The following JAML variants were observed in gnomAD, a reference collection of about 807,000 sequenced individuals.
JAML encodes the protein junction adhesion molecule like, also known as junctional adhesion molecule-like.
JAML carries 25 observed loss-of-function variants against 39.3 expected under a neutral mutation model. That is an observed-to-expected ratio of 0.64 (90% CI 0.46 to 0.89). JAML has a LOEUF of 0.89. JAML is among the 40% of genes least tolerant of loss of function. The pLI, the probability that JAML is intolerant of heterozygous loss-of-function variation, is 0.00. For missense variants in JAML, 440 were observed against 486.9 expected (o/e 0.90, Z 0.91); for synonymous variants, 162 against 179.2 (o/e 0.90, Z 0.77).
intron 1 of JAML, among the ~76,000 whole-genome samples, chr11:118,223,692 C>T (rs1379538956): frequency 6.6e-6 from 1 of 152,034 alleles, no homozygotes; most frequent in Admixed American, 6.5e-5. Context: ...TTTTGGCTAC[C>T]TAAATGACTT....
In JAML at chr11:118,212,451, T is replaced by C. The variant is rs1446350744; in HGVS notation, c.154A>G (p.Ile52Val). ...GACAGAGTCCAGTCTATCTTGAATATACATTTGTCTTCTGTGCTCTGGAAA... is the reference window on the plus strand; with the variant it reads ...GACAGAGTCCAGTCTATCTTGAATACACATTTGTCTTCTGTGCTCTGGAAA... The part of the protein sequence containing the change: ...CVFQSTEDKC[I>V]FKIDWTLSPG... Residue 52 changes from isoleucine to valine, a missense_variant, in exon 3 of 10, where the codon ATA becomes GTA. Transcript: ENST00000356289. 3.1e-6 allele frequency: 5 copies of C among 1,614,200 alleles called. No individual in the cohort carries two copies. The highest frequency in any genetic ancestry group is 2.7e-5 in the African/African-American group (2 of 75,060).
At chr11:118,212,214 T>C (rs999024997) in intron 3 of JAML, among the ~76,000 whole-genome samples, 193 bp downstream of exon 3, 18 of 152,206 alleles carry the variant, frequency 1.2e-4, no homozygotes, top group African/African-American at 3.6e-4. Context: ...TCAGCAAGGT[T>C]GAGTAACTTA....
intron 9 of JAML, 94 bp downstream of exon 9, chr11:118,196,641 T>C: frequency 9.8e-7 from 1 of 1,025,402 alleles, no homozygotes; most frequent in South Asian, 1.3e-5. Flanking sequence ...ATCACCGCCC[T>C]CAGCAGCCTC....
intron 7 of JAML, among the ~76,000 whole-genome samples, chr11:118,199,693 A>ATTTTTTTTTT (rs34379845): frequency 9.3e-6 from 1 of 107,120 alleles, no homozygotes; most frequent in Non-Finnish European, 1.9e-5. Context: ...TATTATTATT[A>ATTTTTTTTTT]TTTTTTTTTT....
chr11:118,200,083 T>A (rs1452457358), intron 7 of JAML, among the ~76,000 whole-genome samples: 1 of 152,150 alleles, frequency 6.6e-6, no homozygotes, highest in Non-Finnish European at 1.5e-5. Context: ...GTCTTTTAGA[T>A]AAAACCACTG....
Position 118,199,677 on chromosome 11 carries a change from C to CATT in JAML, c.911+794_911+796dup, listed in dbSNP as rs878995585. ...GATGAAATTCAGGCCTTTAAAAGCACATTATTATTATTATTATTTTTTTTT... is the reference window on the plus strand; with the variant it reads ...GATGAAATTCAGGCCTTTAAAAGCACATTATTATTATTATTATTATTTTTTTTT... On this transcript the variant is annotated intron_variant, in intron 7 of 9. Coordinates refer to ENST00000356289, the MANE Select transcript of JAML (RefSeq NM_001098526.2). Among the ~76,000 whole-genome samples, 484 of 135,654 alleles carry CATT rather than the reference C, an allele frequency of 3.6e-3. 41 individuals are homozygous for CATT. Among genetic ancestry groups the CATT allele is most frequent in the Middle Eastern group, 7.5e-3 (2 of 268 alleles). 89.0% of individuals were successfully genotyped at this position (135,654 alleles called of 152,430 possible).
intron 1 of JAML, among the ~76,000 whole-genome samples, chr11:118,218,802 A>T (rs1304630649): frequency 6.8e-6 from 1 of 147,532 alleles, no homozygotes; most frequent in Non-Finnish European, 1.5e-5. Flanking sequence ...AATGAATTTC[A>T]GTTTTAAAAA....
intron 4 of JAML, among the ~76,000 whole-genome samples, chr11:118,208,195 C>A (rs1157861410): frequency 8.0e-5 from 12 of 150,908 alleles, no homozygotes; most frequent in Non-Finnish European, 1.8e-4. Context: ...CATACCACTG[C>A]AACTCCAGAG....
intron 1 of JAML, among the ~76,000 whole-genome samples, chr11:118,219,236 C>G (rs560416936): frequency 1.2e-4 from 19 of 152,090 alleles, no homozygotes; most frequent in Non-Finnish European, 2.5e-4. Flanking sequence ...CATCTCATAC[C>G]AGTTAGGGTG....
At chr11:118,200,692 G>A (rs1420649444) in intron 6 of JAML, 80 bp from the exon 7 acceptor site, 1 of 1,539,868 alleles carries the variant, frequency 6.5e-7, no homozygotes, top group African/African-American at 1.4e-5. Context: ...ATACCAAGTA[G>A]CACCAGCCAG....
intron 5 of JAML, 49 bp from the exon 6 acceptor site, chr11:118,203,714 CGGG>C (rs1400764174): frequency 1.3e-6 from 2 of 1,506,380 alleles, no homozygotes; most frequent in African/African-American, 2.8e-5. Flanking sequence ...TGGAGTGGAG[CGGG>C]GAGCAGAGAA....
intron 8 of JAML, 146 bp downstream of exon 8, chr11:118,197,852 G>C (rs914331882): frequency 2.8e-6 from 2 of 718,982 alleles, no homozygotes; most frequent in African/African-American, 3.6e-5. Context: ...TCTTACTTTA[G>C]TGACAAAGGC....
At chr11:118,209,125 C>A in intron 4 of JAML, 1 of 328,918 alleles carries the variant, frequency 3.0e-6, no homozygotes, top group South Asian at 3.6e-5. Flanking sequence ...GCTTGCAATA[C>A]TTTTGAGATT....
chr11:118,219,515 A>G (rs770673170), intron 1 of JAML, among the ~76,000 whole-genome samples: 13 of 152,192 alleles, frequency 8.5e-5, no homozygotes, highest in Non-Finnish European at 1.6e-4. Context: ...CTTCTTTCAC[A>G]GGTAGCCCCC....
rs2298831 is a variant in JAML, at chr11:118,198,037, T to C, written c.966A>G (p.Ile322Met). 255,818 of 1,613,318 alleles carry C rather than the reference T, an allele frequency of 0.16. 23,266 individuals are homozygous for C. The highest frequency in any genetic ancestry group is 0.36 in the African/African-American group (27,310 of 74,972). Residue 322 changes from isoleucine to methionine, a missense_variant, in exon 8 of 10, where the codon ATA (isoleucine) becomes ATG (methionine). By Grantham distance (10) the Ile-to-Met change is conservative. Coordinates refer to ENST00000356289, the MANE Select transcript of JAML (RefSeq NM_001098526.2). Reference sequence around the variant, plus strand: ...TTTCAAAATGGCAGGGTTTTTCTTTTATCTCTGGATTAGTCTTCTTCGTGT... The same window carrying C: ...TTTCAAAATGGCAGGGTTTTTCTTTCATCTCTGGATTAGTCTTCTTCGTGT... ...VKNTKKTNPEIKEKPCHFERC... is the reference protein window; with the variant it reads ...VKNTKKTNPEMKEKPCHFERC...
At chr11:118,200,376 A>G (rs1243396160) in intron 7 of JAML, 98 bp downstream of exon 7, 3 of 1,411,916 alleles carry the variant, frequency 2.1e-6, no homozygotes, top group Non-Finnish European at 2.9e-6. Flanking sequence ...TTCTGTGAGA[A>G]TGGCATAAGT....
At chr11:118,198,976 T>C (rs1345342996) in intron 7 of JAML, among the ~76,000 whole-genome samples, 1 of 152,232 alleles carries the variant, frequency 6.6e-6, no homozygotes, top group Non-Finnish European at 1.5e-5. Context: ...GTACATATGC[T>C]GCTGGAGTGA....
intron 2 of JAML, chr11:118,212,784 C>A: frequency 6.3e-7 from 1 of 1,599,106 alleles, no homozygotes; most frequent in South Asian, 1.1e-5. Context: ...TAAATGCTAT[C>A]TGGCTCCCTC....
At chr11:118,224,656 C>T (rs544710901) in intron 1 of JAML, among the ~76,000 whole-genome samples, 1 of 152,298 alleles carries the variant, frequency 6.6e-6, no homozygotes, top group African/African-American at 2.4e-5. Flanking sequence ...CCACGGGTGA[C>T]TTAAAAGCTG....
Sources: gnomAD v4.1 joint callset for allele counts (sites outside exome capture counted in the v4.1 genomes callset) on GRCh38, gnomAD v4.1.1 for gene constraint, MANE v1.5 for transcripts, NCBI Gene and HGNC (gene_info 2026-07-23, HGNC 2026-07-21) for gene names.